The following CCSER1 variants were observed in gnomAD, a reference collection of about 807,000 sequenced individuals.
CCSER1 encodes serine-rich coiled-coil domain-containing protein 1.
A neutral mutation model predicts 82.0 loss-of-function variants in CCSER1; 41 were observed. The observed-to-expected ratio is 0.50, with a 90% confidence interval of 0.39 to 0.65. CCSER1 has a LOEUF of 0.65. CCSER1 is among the 30% of genes least tolerant of loss of function. The pLI, the probability that CCSER1 is intolerant of heterozygous loss-of-function variation, is 0.00. For missense variants in CCSER1, 1,119 were observed against 1,064.2 expected, an observed-to-expected ratio of 1.05 and a Z score of -0.72; for synonymous variants, 414 against 383.9, an observed-to-expected ratio of 1.08 and a Z score of -0.92.
chr4:90,313,357 A>C (rs2153481420), intron 3 of CCSER1, among the ~76,000 whole-genome samples: 1 of 152,246 alleles, frequency 6.6e-6, no homozygotes, highest in Admixed American at 6.5e-5. Context: ...CTCCCCTTTG[A>C]CACCATTATT....
chr4:91,057,679 G>A (rs541446459), intron 9 of CCSER1, among the ~76,000 whole-genome samples: 1 of 152,236 alleles, frequency 6.6e-6, no homozygotes, highest in African/African-American at 2.4e-5. Flanking sequence ...TCTCTGGATT[G>A]TCATTTCATA....
chr4:90,509,928 CA>C (rs1373199187), intron 5 of CCSER1, among the ~76,000 whole-genome samples: 1 of 152,096 alleles, frequency 6.6e-6, no homozygotes, highest in Non-Finnish European at 1.5e-5. Context: ...TTTGCTATCT[CA>C]AAAATCATAA....
chr4:90,831,699 A>G (rs1427503768), intron 8 of CCSER1, among the ~76,000 whole-genome samples: 1 of 152,188 alleles, frequency 6.6e-6, no homozygotes, highest in Non-Finnish European at 1.5e-5. Context: ...AATGTTGCTT[A>G]AAGAATGTTC....
At chr4:91,130,998 A>G (rs1446322445) in intron 10 of CCSER1, among the ~76,000 whole-genome samples, 1 of 151,866 alleles carries the variant, frequency 6.6e-6, no homozygotes, top group Non-Finnish European at 1.5e-5. Context: ...ATAAAAACAT[A>G]TAATTCATGT....
At chr4:90,293,812 C>A (rs1233752230) in intron 1 of CCSER1, among the ~76,000 whole-genome samples, 1 of 151,712 alleles carries the variant, frequency 6.6e-6, no homozygotes, top group Admixed American at 6.6e-5. Context: ...TATAAACTGA[C>A]AAACTAGCTT....
intron 10 of CCSER1, among the ~76,000 whole-genome samples, chr4:91,572,252 G>C (rs1763221207): frequency 6.6e-6 from 1 of 152,140 alleles, no homozygotes; most frequent in Non-Finnish European, 1.5e-5. Context: ...GGTATCACCA[G>C]AGAAGGCTGT....
intron 10 of CCSER1, among the ~76,000 whole-genome samples, chr4:91,228,728 C>A (rs1438414062): frequency 6.6e-6 from 1 of 151,938 alleles, no homozygotes; most frequent in Non-Finnish European, 1.5e-5. Context: ...GCCACCTTCA[C>A]CTCATAGCAA....
chr4:90,935,883 A>G (rs945900822), intron 9 of CCSER1, among the ~76,000 whole-genome samples: 5 of 152,176 alleles, frequency 3.3e-5, no homozygotes, highest in African/African-American at 7.2e-5. Flanking sequence ...ATAAGTGCAA[A>G]TGAATCCAGA....
chr4:90,482,960 T>C (rs1766301956), intron 5 of CCSER1, among the ~76,000 whole-genome samples: 1 of 152,210 alleles, frequency 6.6e-6, no homozygotes, highest in Admixed American at 6.5e-5. Flanking sequence ...CTGTCTGATG[T>C]TGACAGTGGG....
At position 90,127,835 on chromosome 4, in the gene CCSER1, G is replaced by A. The variant is rs946695887; in HGVS notation, c.-42+4G>A. ...ACAAGCGCACGGAGCCCTCAAGGTA[G>A]TAACGCCCCTGGTGCCTCAGCGCTC... On this transcript the variant is annotated splice_donor_region_variant and intron_variant, in intron 1 of 10. Coordinates refer to ENST00000509176, the MANE Select transcript of CCSER1 (RefSeq NM_001145065.2). 1 of 152,262 alleles carries A rather than the reference G, an allele frequency of 6.6e-6. No individual in the cohort carries two copies. The highest frequency in any genetic ancestry group is 1.5e-5 in the Non-Finnish European group (1 of 68,088). 9.4% of individuals were successfully genotyped at this position (152,262 alleles called of 1,614,324 possible).
chr4:90,858,824 C>T (rs1242568181), intron 8 of CCSER1, among the ~76,000 whole-genome samples: 1 of 151,770 alleles, frequency 6.6e-6, no homozygotes, highest in Non-Finnish European at 1.5e-5. Context: ...ATTCTGCCCT[C>T]CATATTTGCT....
At chr4:90,256,156 A>T (rs2153445550) in intron 1 of CCSER1, among the ~76,000 whole-genome samples, 1 of 152,250 alleles carries the variant, frequency 6.6e-6, no homozygotes, top group East Asian at 1.9e-4. Flanking sequence ...GTCCATCTGA[A>T]GTTCTCTCTT....
At chr4:90,349,534 A>T (rs1743040468) in intron 3 of CCSER1, among the ~76,000 whole-genome samples, 1 of 151,910 alleles carries the variant, frequency 6.6e-6, no homozygotes, top group Admixed American at 6.6e-5. Context: ...GCATGTTCTT[A>T]TTTTTTTGTA....
intron 9 of CCSER1, among the ~76,000 whole-genome samples, chr4:90,936,210 A>AT (rs1266664543): frequency 6.6e-6 from 1 of 152,122 alleles, no homozygotes; most frequent in African/African-American, 2.4e-5. Flanking sequence ...AATAAATGTT[A>AT]AATATTGTAG....
chr4:90,661,333 G>A (rs1730736390), intron 6 of CCSER1, among the ~76,000 whole-genome samples: 1 of 152,142 alleles, frequency 6.6e-6, no homozygotes, highest in Admixed American at 6.6e-5. Flanking sequence ...ACCCCAGTTT[G>A]AACAGAGATT....
At chr4:90,303,873 A>C (rs9759809) in intron 1 of CCSER1, among the ~76,000 whole-genome samples, 63,458 of 148,824 alleles carry the variant, frequency 0.43, 13,427 homozygotes, top group South Asian at 0.56. Context: ...CAACCTACAA[A>C]ATGGGAGAAA....
intron 10 of CCSER1, among the ~76,000 whole-genome samples, chr4:91,130,848 A>G (rs533304606): frequency 3.9e-5 from 6 of 151,948 alleles, no homozygotes; most frequent in Admixed American, 3.3e-4. Context: ...CAAATTTTGA[A>G]TTACTTTCAC....
chr4:91,477,218 T>C (rs1046126291), intron 10 of CCSER1, among the ~76,000 whole-genome samples: 3 of 151,698 alleles, frequency 2.0e-5, no homozygotes, highest in Non-Finnish European at 3.0e-5. Context: ...AATAACTTAA[T>C]AGTAAAAAAT....
chr4:90,254,995 A>ACG (rs1355683287), intron 1 of CCSER1, among the ~76,000 whole-genome samples: 1 of 151,780 alleles, frequency 6.6e-6, no homozygotes, highest in East Asian at 1.9e-4. Context: ...ACACACACAC[A>ACG]CACACACACA....
Sources: allele counts gnomAD v4.1 joint callset (sites outside exome capture counted in the v4.1 genomes callset), GRCh38; gene constraint gnomAD v4.1.1; transcripts MANE v1.5; gene names NCBI Gene and HGNC (gene_info 2026-07-23, HGNC 2026-07-21).